ERCC3: variants seen among roughly 807,000 people sequenced by gnomAD.
ERCC3 encodes ERCC excision repair 3, TFIIH core complex helicase subunit.
ERCC3 carries 66 observed loss-of-function variants against 94.2 expected under a neutral mutation model. The observed-to-expected ratio is 0.70, with a 90% CI of 0.57 to 0.86. The LOEUF is 0.86. Ranked by LOEUF, ERCC3 falls within the 40% of genes least tolerant of loss-of-function variation. The pLI is 0.00. For synonymous variants in ERCC3, 349 were observed against 369.1 expected (o/e 0.95, Z 0.63); for missense variants, 829 against 987.1 (o/e 0.84, Z 2.15).
Position 127,271,275 on chromosome 2 carries a change from CCTAA to C in ERCC3, c.1945+57_1945+60del, listed in dbSNP as rs1363153802. On this transcript the variant is annotated intron_variant, in intron 12 of 14. Coordinates refer to ENST00000285398, the MANE Select transcript of ERCC3 (RefSeq NM_000122.2). The surrounding 1 kb of genome is among the most constrained non-coding windows in gnomAD (Gnocchi z 5.0). ...TGGCAGCTCTCACCCCTATCGTCTTCCTAACTAAAGTGGTTTAAGAGGAGTGACC... is the reference window on the plus strand; with the variant it reads ...TGGCAGCTCTCACCCCTATCGTCTTCCTAAAGTGGTTTAAGAGGAGTGACC... 4.7e-5 allele frequency: 55 copies of C among 1,169,896 alleles called. No individual in the cohort carries two copies. Among genetic ancestry groups the C allele is most frequent in the Non-Finnish European group, 6.3e-5 (49 of 774,536 alleles). 72.5% of individuals were successfully genotyped at this position (1,169,896 alleles called of 1,614,324 possible). A position where few individuals can be genotyped will look rare whatever the true frequency, so the allele number is the denominator to read the frequency against.
rs1166398900 is a variant in ERCC3, at chr2:127,290,290, C to T, written c.472-17G>A. ...AGTACACAACTGCAAATACAGATAACATCCAACAGGTAAATGTGCAGCTAA... is the reference window on the plus strand; with the variant it reads ...AGTACACAACTGCAAATACAGATAATATCCAACAGGTAAATGTGCAGCTAA... On this transcript the variant is annotated splice_polypyrimidine_tract_variant and intron_variant, in intron 3 of 14. Transcript: ENST00000285398. 1 of 1,607,100 alleles carries T rather than the reference C, an allele frequency of 6.2e-7. No individual in the cohort carries two copies. The highest frequency in any genetic ancestry group is 8.5e-7 in the Non-Finnish European group (1 of 1,173,652).
At chr2:127,266,700 T>C (rs537936664) in intron 12 of ERCC3, among the ~76,000 whole-genome samples, 1 of 147,864 alleles carries the variant, frequency 6.8e-6, no homozygotes, top group African/African-American at 2.5e-5. Context: ...GCCAAACACA[T>C]GATCAATTAT....
chr2:127,259,317 T>C lies in ERCC3; in HGVS notation c.2196A>G (p.Glu732=). ...LDAEEEVVAG[E]FGSRSSQASR... ...TCACCTGGCTGGATCTGGAGCCAAA[T>C]TCCCCAGCCACCACCTCCTCCTCGG... is the stretch of plus-strand genomic sequence containing the variant. The change falls in exon 14 of 15, where the codon GAA becomes GAG. Residue 732 remains glutamate (E), a synonymous_variant. Coordinates refer to ENST00000285398, the MANE Select transcript of ERCC3 (RefSeq NM_000122.2). The surrounding 1 kb of genome is among the most constrained non-coding windows in gnomAD (Gnocchi z 4.9). 1 of 1,614,154 alleles carries C rather than the reference T, an allele frequency of 6.2e-7. No homozygotes were observed.
chr2:127,269,769 A>G (rs1684492448), intron 12 of ERCC3, among the ~76,000 whole-genome samples: 1 of 149,082 alleles, frequency 6.7e-6, no homozygotes, highest in South Asian at 2.3e-4. Flanking sequence ...AGTGGCTCAC[A>G]CCTGTAATCC....
rs114858909 is a variant in ERCC3, at chr2:127,258,268, C to A, written c.2218-541G>T. On this transcript the variant is annotated intron_variant, in intron 14 of 14. Transcript: ENST00000285398. This position sits in a 1 kb window ranked among gnomAD's most constrained non-coding sequence, Gnocchi z 4.1. ...TTTTTAACAGTTAGGGCAAAAGTTC[C>A]TTAAAATCTCCTGAGACACCACCAT... Among the ~76,000 whole-genome samples the A allele has an allele frequency of 2.6e-3, 403 of 152,262 alleles. 3 individuals carry two copies. The highest frequency in any genetic ancestry group is 9.4e-3 in the African/African-American group (390 of 41,540).
intron 8 of ERCC3, among the ~76,000 whole-genome samples, chr2:127,283,986 C>G (rs1684994218): frequency 6.6e-6 from 1 of 150,520 alleles, no homozygotes; most frequent in Admixed American, 6.6e-5. Context: ...CCTTCCAGAC[C>G]AGCTCCTTTG....
At chr2:127,275,628 G>A (rs1284486711) in intron 10 of ERCC3, among the ~76,000 whole-genome samples, 1 of 152,216 alleles carries the variant, frequency 6.6e-6, no homozygotes, top group Non-Finnish European at 1.5e-5. Context: ...CAGAAGACTG[G>A]AGGAGCATTG....
In ERCC3 at chr2:127,271,532, T is replaced by G; in HGVS notation, c.1828-79A>C. ...TGATCCAGAATTTAAATAAGTTCTGTAGATAATTTTGAAACATAATCACTC... is the reference window on the plus strand; with the variant it reads ...TGATCCAGAATTTAAATAAGTTCTGGAGATAATTTTGAAACATAATCACTC... On this transcript the variant is annotated intron_variant, in intron 11 of 14. Transcript: ENST00000285398. The surrounding 1 kb of genome is among the most constrained non-coding windows in gnomAD (Gnocchi z 5.0). 1.0e-6 allele frequency: 1 copy of G among 980,052 alleles called. No homozygotes were observed. Among genetic ancestry groups the G allele is most frequent in the Non-Finnish European group, 1.6e-6 (1 of 606,882 alleles). 60.7% of individuals were successfully genotyped at this position (980,052 alleles called of 1,614,324 possible).
chr2:127,275,852 T>G (rs984184532), intron 10 of ERCC3, among the ~76,000 whole-genome samples: 14 of 151,934 alleles, frequency 9.2e-5, no homozygotes, highest in African/African-American at 3.4e-4. Flanking sequence ...GCTAACAGAC[T>G]AGAGAAAGCA....
In ERCC3 at chr2:127,286,934, C is replaced by T; in HGVS notation, c.1111G>A (p.Val371Met). The change falls in exon 8 of 15, where the codon GTG becomes ATG. Residue 371 changes from valine (V) to methionine (M), a missense_variant. Physicochemically the swap from Val to Met is conservative, Grantham distance 21. Coordinates refer to ENST00000285398, the MANE Select transcript of ERCC3 (RefSeq NM_000122.2). The part of the protein sequence containing the change: ...CLVLGNSAVS[V>M]EQWKAQFKMW... Reference sequence around the variant, plus strand: ...TTGAACTGGGCTTTCCACTGCTCCACAGAAACAGCTGAGTTGCCCAGCACC... The same window carrying T: ...TTGAACTGGGCTTTCCACTGCTCCATAGAAACAGCTGAGTTGCCCAGCACC... 6.2e-7 allele frequency: 1 copy of T among 1,614,120 alleles called. No individual in the cohort carries two copies. The highest frequency in any genetic ancestry group is 8.5e-7 in the Non-Finnish European group (1 of 1,179,972).
At position 127,286,743 on chromosome 2, in the gene ERCC3, C is replaced by T. The variant is rs2104770796; in HGVS notation, c.1302G>A (p.Glu434=). 7 of 1,614,122 alleles carry T rather than the reference C, an allele frequency of 4.3e-6. No individual in the cohort carries two copies. Among genetic ancestry groups the T allele is most frequent in the African/African-American group, 1.3e-5 (1 of 75,002 alleles). ...ERVMEWLKTQ[E]WGLMILDEVH... The stretch of plus-strand genomic sequence containing the variant: ...CTTCATCCAGGATCATGAGGCCCCA[C>T]TCCTGGGTCTTGAGCCACTCCATGA... Residue 434 remains glutamate, a synonymous_variant, in exon 8 of 15, where the codon GAG becomes GAA. Coordinates refer to ENST00000285398, the MANE Select transcript of ERCC3 (RefSeq NM_000122.2).
intron 2 of ERCC3, among the ~76,000 whole-genome samples, 172 bp downstream of exon 2, chr2:127,293,341 G>C (rs1685343775): frequency 6.6e-6 from 1 of 152,206 alleles, no homozygotes; most frequent in South Asian, 2.1e-4. Context: ...CCACACGTGT[G>C]CGCAACTGCT....
chr2:127,288,764 A>G lies in ERCC3; in HGVS notation c.923T>C (p.Ile308Thr), dbSNP rs1685165692. ...RNDSVNPDIN[I>T]DLKPTAVLRP... ...GAGGACAGCTGTGGGCTTTAGGTCA[A>G]TGTTGATATCAGGGTTGACAGAATC... Residue 308 changes from isoleucine to threonine, a missense_variant, in exon 7 of 15, where the codon ATT becomes ACT. By Grantham distance (89) the Ile-to-Thr change is moderately conservative. Transcript: ENST00000285398. 2 of 1,614,128 alleles carry G rather than the reference A, an allele frequency of 1.2e-6. No individual in the cohort carries two copies. The highest frequency in any genetic ancestry group is 2.7e-5 in the African/African-American group (2 of 75,026).
intron 8 of ERCC3, among the ~76,000 whole-genome samples, chr2:127,285,932 A>G (rs1306080101): frequency 6.6e-6 from 1 of 152,010 alleles, no homozygotes; most frequent in Non-Finnish European, 1.5e-5. Flanking sequence ...TGGATTATAT[A>G]TTTACAAGGG....
At chr2:127,292,215 G>C (rs1685295952) in intron 3 of ERCC3, 3 of 345,584 alleles carry the variant, frequency 8.7e-6, no homozygotes, top group South Asian at 7.4e-5. Flanking sequence ...TTGGATATTA[G>C]GTTTTGAAGA....
intron 2 of ERCC3, 79 bp from the exon 3 acceptor site, chr2:127,292,925 C>T (rs1685326168): frequency 4.3e-6 from 4 of 919,588 alleles, no homozygotes; most frequent in Non-Finnish European, 7.1e-6. Context: ...ATATCATTAT[C>T]AAGAAAGAAT....
In ERCC3 at chr2:127,284,102, A is replaced by G. The variant is rs1684996768; in HGVS notation, c.1342+2601T>C. ...TCTCTGATTCCACACCTGACCTGTC[A>G]ATTAAAGCTTCACAACATATCCAGA... On this transcript the variant is annotated intron_variant, in intron 8 of 14. Coordinates refer to ENST00000285398, the MANE Select transcript of ERCC3 (RefSeq NM_000122.2). This position sits in a 1 kb window ranked among gnomAD's most constrained non-coding sequence, Gnocchi z 4.1. The G allele has an allele frequency of 6.6e-6, 1 of 152,232 alleles. No individual in the cohort carries two copies. Among genetic ancestry groups the G allele is most frequent in the Admixed American group, 6.5e-5 (1 of 15,288 alleles). 9.4% of individuals were successfully genotyped at this position (152,232 alleles called of 1,614,324 possible).
rs1432845835 is a variant in ERCC3, at chr2:127,280,584, G to A, written c.1390C>T (p.Leu464=). 6 of 1,614,200 alleles carry A rather than the reference G, an allele frequency of 3.7e-6. No individual in the cohort carries two copies. The highest frequency in any genetic ancestry group is 5.1e-6 in the Non-Finnish European group (6 of 1,180,030). Reference sequence around the variant, plus strand: ...CGGACGAGGGTCGCAGTCAAACCCAGCTTACAGTGGGCCTGCACGATGGTG... The same window carrying A: ...CGGACGAGGGTCGCAGTCAAACCCAACTTACAGTGGGCCTGCACGATGGTG... ...VLTIVQAHCK[L]GLTATLVRED... is the part of the protein sequence containing the mutation. The change falls in exon 9 of 15, where the codon CTG becomes TTG. Residue 464 remains leucine (L), a synonymous_variant. Coordinates refer to ENST00000285398, the MANE Select transcript of ERCC3 (RefSeq NM_000122.2). The surrounding 1 kb of genome is among the most constrained non-coding windows in gnomAD (Gnocchi z 6.3).
rs4150454 is a variant in ERCC3 at position 127,280,968 on chromosome 2, T to C, written c.1343-337A>G. On this transcript the variant is annotated intron_variant, in intron 8 of 14. Coordinates refer to ENST00000285398, the MANE Select transcript of ERCC3 (RefSeq NM_000122.2). The surrounding 1 kb of genome is among the most constrained non-coding windows in gnomAD (Gnocchi z 6.3). ...TAGGCAAATGCTTCACCATCACTTTTAGACCTGTCCAAAAGAAAATGAAAA... is the reference window on the plus strand; with the variant it reads ...TAGGCAAATGCTTCACCATCACTTTCAGACCTGTCCAAAAGAAAATGAAAA... 193,700 of 477,276 alleles carry C rather than the reference T, an allele frequency of 0.41. 41,526 individuals carry two copies. Among genetic ancestry groups the C allele is most frequent in the East Asian group, 0.67 (21,615 of 32,276 alleles). 29.6% of individuals were successfully genotyped at this position (477,276 alleles called of 1,614,324 possible). A position where few individuals can be genotyped will look rare whatever the true frequency, so the allele number is the denominator to read the frequency against.
Sources: allele counts gnomAD v4.1 joint callset (sites outside exome capture counted in the v4.1 genomes callset), GRCh38; gene constraint gnomAD v4.1.1; non-coding constraint Gnocchi (gnomAD v3.1); transcripts MANE v1.5; gene names NCBI Gene and HGNC (gene_info 2026-07-23, HGNC 2026-07-21).